ZSCAN5A: variants seen among roughly 807,000 people sequenced by gnomAD.
ZSCAN5A encodes the protein zinc finger and SCAN domain containing 5A.
In ZSCAN5A, 12 loss-of-function variants were observed where a neutral mutation model predicts 23.7. The observed-to-expected ratio is 0.51, with a 90% CI of 0.32 to 0.82. The LOEUF (loss-of-function observed/expected upper bound fraction) is 0.82. Among genes scored for constraint, ZSCAN5A ranks in the 40% least tolerant of loss-of-function variants. ZSCAN5A has a pLI of 0.03. For synonymous variants in ZSCAN5A, 257 were observed against 239.9 expected, an observed-to-expected ratio of 1.07 and a Z score of -0.66; for missense variants, 597 against 617.9, an observed-to-expected ratio of 0.97 and a Z score of 0.36.
At chr19:56,337,590 C>G (rs537529588) in intron 2 of ZSCAN5A, among the ~76,000 whole-genome samples, 2 of 152,352 alleles carry the variant, frequency 1.3e-5, no homozygotes, top group African/African-American at 4.8e-5. Flanking sequence ...ACCGCACCCA[C>G]TGTCCTGCAC....
chr19:56,281,290 T>C (rs911678041), intron 2 of ZSCAN5A, among the ~76,000 whole-genome samples: 2 of 152,162 alleles, frequency 1.3e-5, no homozygotes, highest in Admixed American at 6.5e-5. Flanking sequence ...CAGAAGAAAA[T>C]GCACATCTAA....
intron 2 of ZSCAN5A, chr19:56,363,090 A>G (rs1033309934): frequency 6.6e-6 from 1 of 152,212 alleles, no homozygotes; most frequent in Non-Finnish European, 1.5e-5. Context: ...TGCATTTTTA[A>G]TGCTCCTTGC....
At chr19:56,275,188 CT>C in intron 2 of ZSCAN5A, among the ~76,000 whole-genome samples, 1 of 152,166 alleles carries the variant, frequency 6.6e-6, no homozygotes. Flanking sequence ...AATAAATACG[CT>C]GGGGGAGAAA....
rs554920612 is a variant in ZSCAN5A at position 56,360,089 on chromosome 19, CA to C, written c.-358+3145del. 3.3e-5 allele frequency among the ~76,000 whole-genome samples: 5 copies of C among 152,130 alleles called. No homozygotes were observed. In the East Asian group the frequency reaches 9.7e-4, roughly 29 times the overall value. ...TTCTGGCAAAGGAAATCAGGCAAGA[CA>C]AAGAAATAAAGGGTATTCAAATAGG... On this transcript the variant is annotated intron_variant, in intron 2 of 6. Coordinates refer to the ZSCAN5A transcript ENST00000587340.
At chr19:56,266,378 G>A (rs2037470256) in intron 2 of ZSCAN5A, 1 of 152,026 alleles carries the variant, frequency 6.6e-6, no homozygotes, top group Admixed American at 6.6e-5. Flanking sequence ...TGTGTGTGAA[G>A]TTGTTGGGGC....
intron 2 of ZSCAN5A, among the ~76,000 whole-genome samples, chr19:56,300,815 A>C (rs566362245): frequency 4.5e-4 from 68 of 152,306 alleles, no homozygotes; most frequent in African/African-American, 1.5e-3. Context: ...AAAAAAAATG[A>C]GATTTTCTGA....
At chr19:56,236,253 C>T (rs1162413959) in intron 2 of ZSCAN5A, among the ~76,000 whole-genome samples, 1 of 27,410 alleles carries the variant, frequency 3.6e-5, no homozygotes, top group Non-Finnish European at 6.8e-5. Flanking sequence ...CTCTGATGGA[C>T]GGTGGGCCAA....
chr19:56,298,783 T>A (rs1216834482), intron 2 of ZSCAN5A, among the ~76,000 whole-genome samples: 1 of 152,092 alleles, frequency 6.6e-6, no homozygotes, highest in East Asian at 1.9e-4. Context: ...AAGGAAGAAA[T>A]CACATTGATC....
intron 2 of ZSCAN5A, among the ~76,000 whole-genome samples, chr19:56,261,189 C>CAT (rs1419747047): frequency 1.4e-5 from 2 of 146,194 alleles, no homozygotes; most frequent in African/African-American, 5.0e-5. Flanking sequence ...GCCTGGGTGA[C>CAT]AGAGCAAGAC....
At chr19:56,344,927 A>T (rs1404572813) in intron 2 of ZSCAN5A, among the ~76,000 whole-genome samples, 1 of 148,050 alleles carries the variant, frequency 6.8e-6, no homozygotes, top group South Asian at 2.1e-4. Context: ...AAAAAAAAAA[A>T]AAAAAAAAGA....
At chr19:56,320,222 G>T in intron 2 of ZSCAN5A, 1 of 593,960 alleles carries the variant, frequency 1.7e-6, no homozygotes, top group Non-Finnish European at 3.2e-6. Context: ...TCTGTTCTCT[G>T]CCCATTAGTT....
At chr19:56,229,571 C>T (rs540718135) in intron 2 of ZSCAN5A, among the ~76,000 whole-genome samples, 20 of 152,302 alleles carry the variant, frequency 1.3e-4, no homozygotes, top group Admixed American at 7.2e-4. Flanking sequence ...GCTGCCTAAG[C>T]CACTCTCTGG....
intron 2 of ZSCAN5A, among the ~76,000 whole-genome samples, chr19:56,297,308 A>G (rs1190881294): frequency 1.3e-5 from 2 of 151,834 alleles, no homozygotes; most frequent in African/African-American, 4.8e-5. Context: ...TTTGGTCTCC[A>G]CCCACTTCAT....
At chr19:56,286,727 T>C (rs764900406) in intron 2 of ZSCAN5A, 2 of 152,210 alleles carry the variant, frequency 1.3e-5, no homozygotes, top group Non-Finnish European at 2.9e-5. Flanking sequence ...TGAAAGAGAA[T>C]TGGAGAGAGA....
intron 2 of ZSCAN5A, among the ~76,000 whole-genome samples, chr19:56,239,926 G>A (rs10410988): frequency 0.68 from 103,558 of 151,546 alleles, 36,686 homozygotes; most frequent in Admixed American, 0.78. Context: ...CACTTTGGGA[G>A]GCCGAGGTGG....
intron 2 of ZSCAN5A, among the ~76,000 whole-genome samples, chr19:56,226,347 A>C (rs1367789832): frequency 6.6e-6 from 1 of 152,162 alleles, no homozygotes; most frequent in African/African-American, 2.4e-5. Context: ...CTCCTGTGCA[A>C]AACATAAGCA....
upstream of ZSCAN5A, chr19:56,317,777 G>A (rs981100634): frequency 2.6e-5 from 4 of 152,446 alleles, no homozygotes; most frequent in African/African-American, 9.7e-5. Flanking sequence ...AGACAAGGAG[G>A]GTGTAGCTCA....
chr19:56,279,338 G>A (rs2038504390), intron 2 of ZSCAN5A, among the ~76,000 whole-genome samples: 1 of 152,138 alleles, frequency 6.6e-6, no homozygotes. Flanking sequence ...GGCAGGGACT[G>A]TACTTTACTC....
At position 56,304,791 on chromosome 19, in the gene ZSCAN5A, A is replaced by C. The variant is rs117459439; in HGVS notation, c.-128+8492T>G. 633 of 985,346 alleles carry C rather than the reference A, an allele frequency of 6.4e-4. 3 individuals are homozygous for C. In the East Asian group the frequency reaches 0.031, roughly 48 times the overall value. 61.0% of individuals were successfully genotyped at this position (985,346 alleles called of 1,614,324 possible). On this transcript the variant is annotated intron_variant, in intron 2 of 5. Transcript: ENST00000683990. ...GTTCCCAGTTCACTTTTTCCTCCCAAGTGTTACTGCCACTACTGTAACTTG... is the reference window on the plus strand; with the variant it reads ...GTTCCCAGTTCACTTTTTCCTCCCACGTGTTACTGCCACTACTGTAACTTG...
Sources: gnomAD v4.1 joint callset for allele counts (sites outside exome capture counted in the v4.1 genomes callset) on GRCh38, gnomAD v4.1.1 for gene constraint, MANE v1.5 for transcripts, NCBI Gene and HGNC (gene_info 2026-07-23, HGNC 2026-07-21) for gene names.